Variants in IGFBP2 observed in about 807,000 individuals in gnomAD.
IGFBP2 encodes the protein insulin like growth factor binding protein 2.
A neutral mutation model predicts 26.2 loss-of-function variants in IGFBP2; 12 were observed. That is an observed-to-expected ratio of 0.46 (90% CI 0.29 to 0.74). The LOEUF is 0.74. IGFBP2 is among the 30% of genes least tolerant of loss of function. IGFBP2 has a pLI of 0.09. For synonymous variants in IGFBP2, 189 were observed against 200.6 expected (o/e 0.94, Z 0.49); for missense variants, 328 against 441.2 (o/e 0.74, Z 2.30).
intron 1 of IGFBP2, among the ~76,000 whole-genome samples, chr2:216,652,683 A>G (rs1460254121): frequency 6.6e-6 from 1 of 152,080 alleles, no homozygotes; most frequent in Non-Finnish European, 1.5e-5. Context: ...GGGGAGGAGG[A>G]TGGTGGTTAG....
chr2:216,660,607 A>G lies in IGFBP2; in HGVS notation c.493A>G (p.Ser165Gly), dbSNP rs747073741. Residue 165 changes from serine to glycine, a missense_variant, in exon 2 of 4, where the codon AGC (serine) becomes GGC (glycine). Ser to Gly is a moderately conservative substitution (Grantham distance 56). Transcript: ENST00000233809. ...AGGCCTGGTGGAGAACCACGTGGAC[A>G]GCACCATGAACATGTTGGGCGGGGG... ...EGGLVENHVD[S>G]TMNMLGGGGS... The G allele has an allele frequency of 6.2e-6, 10 of 1,613,956 alleles. No individual in the cohort carries two copies. The highest frequency in any genetic ancestry group is 8.5e-6 in the Non-Finnish European group (10 of 1,179,968).
intron 1 of IGFBP2, among the ~76,000 whole-genome samples, chr2:216,656,409 A>G (rs1416508441): frequency 6.6e-6 from 1 of 152,196 alleles, no homozygotes; most frequent in East Asian, 1.9e-4. Flanking sequence ...GATTTGCTTT[A>G]TATGGGGCCT....
Position 216,633,867 on chromosome 2 carries a change from C to A in IGFBP2, c.344C>A (p.Pro115Gln). 1 of 1,571,810 alleles carries A rather than the reference C, an allele frequency of 6.4e-7. No individual in the cohort carries two copies. Among genetic ancestry groups the A allele is most frequent in the East Asian group, 2.3e-5 (1 of 42,818 alleles). ...CGQGLRCYPH[P>Q]GSELPLQALV... Reference sequence around the variant, plus strand: ...CAGGGGCTGCGCTGCTATCCCCACCCGGGCTCCGAGCTGCCCCTGCAGGCG... The same window carrying A: ...CAGGGGCTGCGCTGCTATCCCCACCAGGGCTCCGAGCTGCCCCTGCAGGCG... The change falls in exon 1 of 4, where the codon CCG becomes CAG. Residue 115 changes from proline (P) to glutamine (Q), a missense_variant. Coordinates refer to ENST00000233809, the MANE Select transcript of IGFBP2 (RefSeq NM_000597.3).
chr2:216,650,470 G>T (rs541454567), intron 1 of IGFBP2, among the ~76,000 whole-genome samples: 6 of 152,336 alleles, frequency 3.9e-5, no homozygotes, highest in Admixed American at 1.3e-4. Context: ...TTTGCAGAGT[G>T]GTTTGACGTG....
intron 1 of IGFBP2, among the ~76,000 whole-genome samples, chr2:216,654,244 G>T (rs929582977): frequency 2.0e-5 from 3 of 152,134 alleles, no homozygotes; most frequent in Non-Finnish European, 4.4e-5. Context: ...GAGGGGAGGA[G>T]GGGCGCTATG....
At chr2:216,663,123 G>T (rs978054236) in intron 3 of IGFBP2, 1 of 152,254 alleles carries the variant, frequency 6.6e-6, no homozygotes, top group East Asian at 1.9e-4. Flanking sequence ...CTTCACCCAG[G>T]CACCTTGACC....
At chr2:216,648,671 C>A (rs1011030768) in intron 1 of IGFBP2, among the ~76,000 whole-genome samples, 1 of 152,042 alleles carries the variant, frequency 6.6e-6, no homozygotes. Context: ...GTCAGTGGCG[C>A]GATCTTGGCT....
In IGFBP2 at chr2:216,634,906, T is replaced by TTTTTTTTTTTTA. The variant is rs371560018; in HGVS notation, c.442+941_442+942insTTTTTTTTTTTA. The stretch of plus-strand genomic sequence containing the variant: ...TAAGGAGGTTACTTTTTTTTTTTTT[T>TTTTTTTTTTTTA]AATTACGAAAGCCTCCTGCCCCAGT... On this transcript the variant is annotated intron_variant, in intron 1 of 3. Coordinates refer to ENST00000233809, the MANE Select transcript of IGFBP2 (RefSeq NM_000597.3). Among the ~76,000 whole-genome samples, 1,141 of 128,480 alleles carry TTTTTTTTTTTTA rather than the reference T, an allele frequency of 8.9e-3. 77 individuals carry two copies. The highest frequency in any genetic ancestry group is 0.018 in the East Asian group (70 of 3,814). 84.3% of individuals were successfully genotyped at this position (128,480 alleles called of 152,430 possible).
chr2:216,659,129 G>C (rs1268138384), intron 1 of IGFBP2, among the ~76,000 whole-genome samples: 1 of 152,190 alleles, frequency 6.6e-6, no homozygotes, highest in African/African-American at 2.4e-5. Context: ...CTTGGAGGGA[G>C]GGGAAAGGAC....
intron 1 of IGFBP2, among the ~76,000 whole-genome samples, chr2:216,652,005 G>A (rs568526052): frequency 1.3e-5 from 2 of 151,982 alleles, no homozygotes; most frequent in South Asian, 2.1e-4. Context: ...CAAATGACCC[G>A]CCCACCTCAG....
intron 1 of IGFBP2, among the ~76,000 whole-genome samples, chr2:216,637,570 C>T (rs1407463004): frequency 6.6e-6 from 1 of 152,216 alleles, no homozygotes; most frequent in African/African-American, 2.4e-5. Flanking sequence ...TAATGACCCA[C>T]TTCTTTAGAC....
At chr2:216,651,962 A>G (rs996764565) in intron 1 of IGFBP2, among the ~76,000 whole-genome samples, 33 of 151,774 alleles carry the variant, frequency 2.2e-4, no homozygotes, top group African/African-American at 6.5e-4. Flanking sequence ...GGTTTTTGCT[A>G]TGTTGGCCAG....
intron 1 of IGFBP2, among the ~76,000 whole-genome samples, chr2:216,658,356 G>A (rs1358426688): frequency 2.0e-5 from 3 of 151,928 alleles, no homozygotes; most frequent in Non-Finnish European, 2.9e-5. Context: ...ATGCTCAGCC[G>A]TGGTAACAGC....
chr2:216,633,492 T>C lies in IGFBP2; in HGVS notation c.-32T>C, dbSNP rs930291719. 41 of 614,754 alleles carry C rather than the reference T, an allele frequency of 6.7e-5. No individual in the cohort carries two copies. In the African/African-American group the frequency reaches 7.2e-4, roughly 11 times the overall value. The allele number at this position is 614,754 out of a possible 1,614,324, so 38.1% of individuals were successfully genotyped here. ...CCTGCCCGCCCGCCCGCTCGCTCGC[T>C]CGCCCGCCGCGCCGCGCTGCCGACC... is the stretch of plus-strand genomic sequence containing the variant. On this transcript the variant is annotated 5_prime_UTR_variant, in exon 1 of 4. Coordinates refer to ENST00000233809, the MANE Select transcript of IGFBP2 (RefSeq NM_000597.3).
At chr2:216,651,105 AAGTC>A (rs1381843495) in intron 1 of IGFBP2, among the ~76,000 whole-genome samples, 3 of 152,138 alleles carry the variant, frequency 2.0e-5, no homozygotes, top group African/African-American at 7.2e-5. Flanking sequence ...TTGAAAAAAA[AAGTC>A]AGGGGAAGAC....
intron 1 of IGFBP2, among the ~76,000 whole-genome samples, chr2:216,642,007 T>A (rs1697625721): frequency 6.8e-6 from 1 of 147,422 alleles, no homozygotes; most frequent in Admixed American, 6.8e-5. Context: ...ACATTTTTTT[T>A]TTTTTTTCGT....
At chr2:216,659,486 T>TG (rs1314795147) in intron 1 of IGFBP2, 1 of 559,008 alleles carries the variant, frequency 1.8e-6, no homozygotes, top group African/African-American at 1.9e-5. Flanking sequence ...TCCAAGGGGT[T>TG]GGGGCTGGGG....
Position 216,660,611 on chromosome 2 carries a change from CCATGAA to C in IGFBP2, c.502_507del (p.Asn168_Met169del). ...CTGGTGGAGAACCACGTGGACAGCACCATGAACATGTTGGGCGGGGGAGGCAGTGCT... is the reference window on the plus strand; with the variant it reads ...CTGGTGGAGAACCACGTGGACAGCACCATGTTGGGCGGGGGAGGCAGTGCT... On this transcript the variant is annotated inframe_deletion, in exon 2 of 4. Coordinates refer to ENST00000233809, the MANE Select transcript of IGFBP2 (RefSeq NM_000597.3). The C allele has an allele frequency of 6.2e-7, 1 of 1,613,922 alleles. No individual in the cohort carries two copies. Among genetic ancestry groups the C allele is most frequent in the Non-Finnish European group, 8.5e-7 (1 of 1,179,972 alleles).
chr2:216,633,327 G>C (rs1372626198), upstream of IGFBP2: 1 of 155,054 alleles, frequency 6.4e-6, no homozygotes, highest in Non-Finnish European at 1.4e-5. Context: ...GGAGTGTCGG[G>C]GGGGAAGGGA....
Sources: allele counts gnomAD v4.1 joint callset (sites outside exome capture counted in the v4.1 genomes callset), GRCh38; gene constraint gnomAD v4.1.1; transcripts MANE v1.5; gene names NCBI Gene and HGNC (gene_info 2026-07-23, HGNC 2026-07-21).